Variants in HIVEP3 observed in about 807,000 individuals in gnomAD.
HIVEP3 encodes the protein HIVEP zinc finger 3.
In HIVEP3, 49 loss-of-function variants were observed where a neutral mutation model predicts 152.8. The ratio of observed to expected loss-of-function variants is 0.32; its 90% CI spans 0.26 to 0.41. HIVEP3 has a LOEUF of 0.41. HIVEP3 is among the 10% of genes least tolerant of loss of function. HIVEP3 has a pLI of 1.00. For synonymous variants in HIVEP3, 1,269 were observed against 1,289.0 expected (o/e 0.98, Z 0.33); for missense variants, 2,790 against 3,103.3 (o/e 0.90, Z 2.40).
intron 1 of HIVEP3, among the ~76,000 whole-genome samples, chr1:41,767,724 T>C (rs940762966): frequency 2.0e-5 from 3 of 152,226 alleles, no homozygotes; most frequent in Non-Finnish European, 2.9e-5. Flanking sequence ...TTGACTTATC[T>C]GCATATAGTG....
chr1:41,722,466 TC>T (rs1558211488), intron 1 of HIVEP3, among the ~76,000 whole-genome samples: 4 of 141,720 alleles, frequency 2.8e-5, no homozygotes, highest in Non-Finnish European at 3.1e-5. Context: ...CCTTCCTTCC[TC>T]CCCTTCCCTC....
chr1:41,568,718 G>A (rs906410877), intron 5 of HIVEP3, among the ~76,000 whole-genome samples: 1 of 152,186 alleles, frequency 6.6e-6, no homozygotes, highest in South Asian at 2.1e-4. Flanking sequence ...AGTGGCTTTC[G>A]GTCCAAGCAT....
rs1482826272 is a variant in HIVEP3 at position 41,664,868 on chromosome 1, C to T, written c.-720-35921G>A. On this transcript the variant is annotated intron_variant, in intron 2 of 8. Transcript: ENST00000372583. The surrounding 1 kb of genome is among the most constrained non-coding windows in gnomAD (Gnocchi z 4.4). ...GGAGCCTGGGATATCCCCATGCCAA[C>T]CCCCCAAAACACGGAGTCCTGAGCT... 6.6e-6 allele frequency among the ~76,000 whole-genome samples: 1 copy of T among 152,296 alleles called. No individual in the cohort carries two copies. The highest frequency in any genetic ancestry group is 1.9e-4 in the East Asian group (1 of 5,186).
intron 3 of HIVEP3, among the ~76,000 whole-genome samples, chr1:41,601,359 A>G (rs373857258): frequency 6.6e-6 from 1 of 152,280 alleles, no homozygotes; most frequent in East Asian, 1.9e-4. Flanking sequence ...ACATGTTAAC[A>G]ATATTAATTC....
At chr1:41,777,073 G>C (rs1648749501) in intron 1 of HIVEP3, among the ~76,000 whole-genome samples, 1 of 152,206 alleles carries the variant, frequency 6.6e-6, no homozygotes, top group Non-Finnish European at 1.5e-5. Flanking sequence ...TCAACAGGAG[G>C]GCCGTGGGAG....
chr1:41,593,011 T>C (rs1386889413), intron 3 of HIVEP3, among the ~76,000 whole-genome samples: 2 of 152,194 alleles, frequency 1.3e-5, no homozygotes, highest in Non-Finnish European at 2.9e-5. Flanking sequence ...AATCCCCAAA[T>C]CTGGTTGTTT....
At chr1:41,983,081 A>G (rs1645302673) in intron 1 of HIVEP3, among the ~76,000 whole-genome samples, 1 of 152,204 alleles carries the variant, frequency 6.6e-6, no homozygotes, top group South Asian at 2.1e-4. Flanking sequence ...AATAGGGTTC[A>G]CACCCCTACG....
At chr1:41,784,035 A>G (rs555044936) in intron 1 of HIVEP3, among the ~76,000 whole-genome samples, 1 of 152,316 alleles carries the variant, frequency 6.6e-6, no homozygotes, top group South Asian at 2.1e-4. Context: ...GGGAGTAGGT[A>G]GGGAAGAAGG....
intron 1 of HIVEP3, among the ~76,000 whole-genome samples, chr1:42,022,001 A>G (rs1361319890): frequency 6.6e-6 from 1 of 152,130 alleles, no homozygotes; most frequent in Non-Finnish European, 1.5e-5. Context: ...TCATCTTTGA[A>G]CCATCATCTT....
intron 1 of HIVEP3, among the ~76,000 whole-genome samples, chr1:41,899,779 T>C (rs567648536): frequency 1.3e-5 from 2 of 152,350 alleles, no homozygotes; most frequent in African/African-American, 2.4e-5. Flanking sequence ...AGTAGCTCTA[T>C]GAAGTACTAT....
intron 1 of HIVEP3, among the ~76,000 whole-genome samples, chr1:41,908,009 A>G (rs997628149): frequency 1.3e-5 from 2 of 152,188 alleles, no homozygotes; most frequent in Admixed American, 1.3e-4. Context: ...AAAACTGGAG[A>G]TTGGAGAGAT....
At chr1:41,839,920 T>C (rs1643237401) in intron 1 of HIVEP3, among the ~76,000 whole-genome samples, 1 of 152,220 alleles carries the variant, frequency 6.6e-6, no homozygotes, top group South Asian at 2.1e-4. Context: ...CTGTCTGCCA[T>C]GGTTGCCACT....
chr1:41,917,579 C>T, intron 1 of HIVEP3, among the ~76,000 whole-genome samples: 1 of 152,168 alleles, frequency 6.6e-6, no homozygotes, highest in South Asian at 2.1e-4. Context: ...AAACCAATGC[C>T]GAGCCTCCAA....
Position 41,664,106 on chromosome 1 carries a change from C to G in HIVEP3, c.-720-35159G>C, listed in dbSNP as rs1234781274. 6.6e-6 allele frequency among the ~76,000 whole-genome samples: 1 copy of G among 152,216 alleles called. No individual in the cohort carries two copies. The highest frequency in any genetic ancestry group is 1.5e-5 in the Non-Finnish European group (1 of 68,028). On this transcript the variant is annotated intron_variant, in intron 2 of 8. Transcript: ENST00000372583. This position sits in a 1 kb window ranked among gnomAD's most constrained non-coding sequence, Gnocchi z 4.4. ...CCCTTTGAAATGTCTTCTCCACCCC[C>G]TCCAGCTGTCCTTCACACCCTGAAT...
intron 1 of HIVEP3, among the ~76,000 whole-genome samples, chr1:41,748,791 C>G (rs970816275): frequency 6.6e-6 from 1 of 152,200 alleles, no homozygotes; most frequent in African/African-American, 2.4e-5. Context: ...GACCCCCTGC[C>G]GCCCACCAGC....
chr1:41,611,059 C>T (rs780955872), intron 3 of HIVEP3, among the ~76,000 whole-genome samples: 1 of 152,132 alleles, frequency 6.6e-6, no homozygotes, highest in Non-Finnish European at 1.5e-5. Flanking sequence ...GAAAGAAGGC[C>T]GTAGGCTCAG....
chr1:41,530,914 G>A (rs530098178), intron 5 of HIVEP3, among the ~76,000 whole-genome samples: 46 of 152,320 alleles, frequency 3.0e-4, no homozygotes, highest in African/African-American at 1.1e-3. Flanking sequence ...GACTTGGGGC[G>A]GGGTGTACAC....
intron 1 of HIVEP3, among the ~76,000 whole-genome samples, chr1:41,707,183 T>C (rs1288313525): frequency 6.6e-6 from 1 of 152,210 alleles, no homozygotes; most frequent in Non-Finnish European, 1.5e-5. Flanking sequence ...CTGGGGCTTC[T>C]TAGAGCCCAG....
chr1:41,980,749 C>T (rs1645289485), intron 1 of HIVEP3, among the ~76,000 whole-genome samples: 1 of 152,260 alleles, frequency 6.6e-6, no homozygotes, highest in Non-Finnish European at 1.5e-5. Flanking sequence ...CGTCTGAGGG[C>T]CATGGGCTCG....
Sources: gnomAD v4.1 joint callset for allele counts (sites outside exome capture counted in the v4.1 genomes callset) on GRCh38, gnomAD v4.1.1 for gene constraint, Gnocchi (gnomAD v3.1) non-coding constraint, MANE v1.5 for transcripts, NCBI Gene and HGNC (gene_info 2026-07-23, HGNC 2026-07-21) for gene names.